The following NTRK1 variants were observed in gnomAD, a reference collection of about 807,000 sequenced individuals.
NTRK1 encodes high affinity nerve growth factor receptor.
A neutral mutation model predicts 86.8 loss-of-function variants in NTRK1; 62 were observed. That is an observed-to-expected ratio of 0.71 (90% confidence interval 0.58 to 0.88). NTRK1 has a LOEUF of 0.88. NTRK1 is among the 40% of genes least tolerant of loss of function. NTRK1 has a pLI of 0.00. For synonymous variants in NTRK1, 469 were observed against 456.6 expected (o/e 1.03, Z -0.35); for missense variants, 967 against 1,078.4 (o/e 0.90, Z 1.45).
At chr1:156,858,892 G>A, upstream of NTRK1, 1 of 483,336 alleles carries the variant, frequency 2.1e-6, no homozygotes, top group Non-Finnish European at 3.8e-6. Flanking sequence ...ACAGTGACAG[G>A]GAGAGTCTCG....
intron 1 of NTRK1, among the ~76,000 whole-genome samples, chr1:156,828,399 A>G (rs1268254085): frequency 6.6e-6 from 1 of 152,168 alleles, no homozygotes; most frequent in Non-Finnish European, 1.5e-5. Context: ...CTATGTATTG[A>G]CATTTTGAGG....
intron 1 of NTRK1, among the ~76,000 whole-genome samples, chr1:156,838,801 C>T (rs1654664416): frequency 6.6e-6 from 1 of 152,266 alleles, no homozygotes; most frequent in African/African-American, 2.4e-5. Context: ...CTTCCTTAAG[C>T]TCTTCCACAT....
At chr1:156,822,031 G>A (rs182584167) in intron 1 of NTRK1, among the ~76,000 whole-genome samples, 4 of 152,284 alleles carry the variant, frequency 2.6e-5, no homozygotes, top group Admixed American at 6.5e-5. Flanking sequence ...CAGCTTTGAC[G>A]TCAGGCAGCT....
chr1:156,866,359 C>T (rs566251103), intron 3 of NTRK1, among the ~76,000 whole-genome samples: 85 of 152,254 alleles, frequency 5.6e-4, no homozygotes, highest in Admixed American at 2.4e-3. Context: ...ATCCATACAA[C>T]GAGGGGGCTG....
chr1:156,872,456 AC>A (rs1647617487), intron 7 of NTRK1, among the ~76,000 whole-genome samples: 1 of 152,124 alleles, frequency 6.6e-6, no homozygotes, highest in Non-Finnish European at 1.5e-5. Context: ...ATGGAATCAT[AC>A]TGCGTGTATT....
Position 156,841,518 on chromosome 1 carries a change from C to G in NTRK1, c.-63-563C>G, listed in dbSNP as rs778144377. The G allele has an allele frequency of 5.6e-6, 9 of 1,613,886 alleles. No homozygotes were observed. Among genetic ancestry groups the G allele is most frequent in the Non-Finnish European group, 7.6e-6 (9 of 1,179,978 alleles). On this transcript the variant is annotated intron_variant, in intron 1 of 16. Transcript: ENST00000392302. Reference sequence around the variant, plus strand: ...AGGGTCACAATCTCCCAGAGTACCACGCCAAAGGACCTGGGGGCATGCAGG... The same window carrying G: ...AGGGTCACAATCTCCCAGAGTACCAGGCCAAAGGACCTGGGGGCATGCAGG...
rs144901788 is a variant in NTRK1, at chr1:156,875,639, G to A, written c.1474G>A (p.Glu492Lys). The change falls in exon 12 of 17, where the codon GAG (glutamate) becomes AAG (lysine). Residue 492 changes from glutamate to lysine, a missense_variant. By Grantham distance (56) the Glu-to-Lys change is moderately conservative. This residue lies in a region of NTRK1 where 637 missense variants were observed against 776.5 expected (regional missense o/e 0.82). Transcript: ENST00000524377. Reference sequence around the variant, plus strand: ...CTCTGGGCTCCAAGGCCACATCATCGAGAACCCACAATACTTCAGTGATGC... The same window carrying A: ...CTCTGGGCTCCAAGGCCACATCATCAAGAACCCACAATACTTCAGTGATGC... The part of the protein sequence containing the change: ...KGSGLQGHII[E>K]NPQYFSDACV... 6.9e-4 allele frequency: 1,113 copies of A among 1,613,264 alleles called. 1 individual carries two copies. Among genetic ancestry groups the A allele is most frequent in the Non-Finnish European group, 8.9e-4 (1,051 of 1,179,968 alleles).
rs145222195 is a variant in NTRK1, at chr1:156,871,713, G to A, written c.808G>A (p.Asp270Asn). 1.8e-5 allele frequency: 29 copies of A among 1,614,208 alleles called. No homozygotes were observed. In the African/African-American group the frequency reaches 2.3e-4, roughly 13 times the overall value. The change falls in exon 7 of 17, where the codon GAT (aspartate) becomes AAT (asparagine). Residue 270 changes from aspartate (D) to asparagine (N), a missense_variant. Physicochemically the swap from Asp to Asn is conservative, Grantham distance 23 (BLOSUM62 1). This residue lies in a region of NTRK1 where 637 missense variants were observed against 776.5 expected (regional missense o/e 0.82). Coordinates refer to ENST00000524377, the MANE Select transcript of NTRK1 (RefSeq NM_002529.4). The stretch of plus-strand genomic sequence containing the variant: ...GAACGTGACGTGCTGGGCAGAGAAC[G>A]ATGTGGGCCGGGCAGAGGTCTCTGT... Reference protein sequence around the residue: ...RKNVTCWAENDVGRAEVSVQV... With the variant: ...RKNVTCWAENNVGRAEVSVQV...
At position 156,837,486 on chromosome 1, in the gene NTRK1, C is replaced by G. The variant is rs143841151; in HGVS notation, c.-63-4595C>G. On this transcript the variant is annotated intron_variant, in intron 1 of 16. Transcript: ENST00000392302. ...GGGGCTCAATTTCATGGTGGATGACCAGGAGATGAGCCAGGTGGTTCAAGC... is the reference window on the plus strand; with the variant it reads ...GGGGCTCAATTTCATGGTGGATGACGAGGAGATGAGCCAGGTGGTTCAAGC... 4.4e-3 allele frequency among the ~76,000 whole-genome samples: 676 copies of G among 152,296 alleles called. 2 individuals are homozygous for G. Among genetic ancestry groups the G allele is most frequent in the African/African-American group, 0.016 (654 of 41,558 alleles).
chr1:156,828,545 C>A (rs1030606575), intron 1 of NTRK1, among the ~76,000 whole-genome samples: 1 of 152,288 alleles, frequency 6.6e-6, no homozygotes, highest in East Asian at 1.9e-4. Flanking sequence ...CTTCTCCTCA[C>A]GCGCAGTCGC....
At chr1:156,836,720 TG>T (rs1416570927) in intron 1 of NTRK1, among the ~76,000 whole-genome samples, 2 of 151,660 alleles carry the variant, frequency 1.3e-5, no homozygotes, top group African/African-American at 4.8e-5. Context: ...TCAGATGTGC[TG>T]CCTTCACAGG....
Position 156,849,445 on chromosome 1 carries a change from G to A in NTRK1, c.50+7252G>A, listed in dbSNP as rs769917654. ...GTTGTAGGTTCTGGTTGTCCAGCAC[G>A]TAGAGAGTGTAGTTCCTGGGGGAGG... On this transcript the variant is annotated intron_variant, in intron 2 of 16. Coordinates refer to the NTRK1 transcript ENST00000392302. The A allele has an allele frequency of 3.4e-5, 47 of 1,401,214 alleles. No individual in the cohort carries two copies. In the East Asian group the frequency reaches 1.6e-3, roughly 48 times the overall value. The allele number at this position is 1,401,214 out of a possible 1,614,324, so 86.8% of individuals were successfully genotyped here. A position where few individuals can be genotyped will look rare whatever the true frequency, so the allele number is the denominator to read the frequency against.
chr1:156,849,483 GCTCT>G, intron 2 of NTRK1: 1 of 1,373,062 alleles, frequency 7.3e-7, no homozygotes, highest in Non-Finnish European at 1.0e-6. Flanking sequence ...AGGGGACCTT[GCTCT>G]GCGGGGAGGT....
intron 2 of NTRK1, chr1:156,843,251 G>GCA (rs1385936819): frequency 6.2e-7 from 1 of 1,610,074 alleles, no homozygotes; most frequent in Non-Finnish European, 8.5e-7. Context: ...GAGGTGGAGG[G>GCA]TCACAAAGCG....
chr1:156,875,887 G>C, intron 12 of NTRK1, 193 bp from the exon 13 acceptor site: 1 of 1,088,780 alleles, frequency 9.2e-7, no homozygotes, highest in Non-Finnish European at 1.4e-6. Flanking sequence ...CCCAAACCAT[G>C]TCCTCTCGGG....
chr1:156,849,703 C>T (rs937080851), intron 2 of NTRK1, among the ~76,000 whole-genome samples: 1 of 152,296 alleles, frequency 6.6e-6, no homozygotes, highest in African/African-American at 2.4e-5. Context: ...ATGGGGTCCT[C>T]AGCTTCCCTG....
Position 156,841,455 on chromosome 1 carries a change from C to A in NTRK1, c.-63-626C>A, listed in dbSNP as rs1002185894. 7 of 1,614,030 alleles carry A rather than the reference C, an allele frequency of 4.3e-6. No individual in the cohort carries two copies. In the East Asian group the frequency reaches 1.6e-4, roughly 36 times the overall value. On this transcript the variant is annotated intron_variant, in intron 1 of 16. Coordinates refer to the NTRK1 transcript ENST00000392302. Reference sequence around the variant, plus strand: ...CCGCCATCCATGACGAACTTCAGCACCTGCTCATTGGACAGGCCCTGGTAG... The same window carrying A: ...CCGCCATCCATGACGAACTTCAGCAACTGCTCATTGGACAGGCCCTGGTAG...
intron 2 of NTRK1, chr1:156,849,147 G>C: frequency 1.3e-6 from 2 of 1,598,720 alleles, no homozygotes; most frequent in Non-Finnish European, 1.7e-6. Context: ...CCTCTGAGGA[G>C]AACTTCTCAG....
At chr1:156,849,513 G>GGGGGGGGGGGGGGGGGC in intron 2 of NTRK1, 9 of 486,116 alleles carry the variant, frequency 1.9e-5, no homozygotes, top group Non-Finnish European at 3.3e-5. Flanking sequence ...CAGGGGGTGG[G>GGGGGGGGGGGGGGGGGC]AAAGGGGATG....
Sources: gnomAD v4.1 joint callset for allele counts (sites outside exome capture counted in the v4.1 genomes callset) on GRCh38, gnomAD v4.1.1 for gene constraint, gnomAD v4.1.1 regional missense constraint, MANE v1.5 for transcripts, NCBI Gene and HGNC (gene_info 2026-07-23, HGNC 2026-07-21) for gene names.